The following ADGB variants were observed in gnomAD, a reference collection of about 807,000 sequenced individuals.
ADGB encodes calpain-7-like protein.
In ADGB, 172 loss-of-function variants were observed where a neutral mutation model predicts 210.5. The observed-to-expected ratio is 0.82, with a 90% confidence interval of 0.72 to 0.93. The LOEUF (loss-of-function observed/expected upper bound fraction) is 0.93. ADGB is among the 40% of genes least tolerant of loss of function. The pLI is 0.00. For synonymous variants in ADGB, 658 were observed against 662.7 expected (o/e 0.99, Z 0.11); for missense variants, 2,025 against 1,964.8 (o/e 1.03, Z -0.58).
intron 13 of ADGB, among the ~76,000 whole-genome samples, chr6:146,702,821 A>G (rs190497922): frequency 1.3e-5 from 2 of 152,038 alleles, no homozygotes; most frequent in African/African-American, 2.4e-5. Flanking sequence ...CTATGAATGA[A>G]TTTGTACATG....
In ADGB at chr6:146,687,401, C is replaced by G. The variant is rs144951722; in HGVS notation, c.1311+1573C>G. ...ACTGCTGAAGAATACCAGCAATGCC[C>G]CATCAATGATAGACTGAATAAAGAA... On this transcript the variant is annotated intron_variant, in intron 10 of 35. Transcript: ENST00000397944. 1.1e-3 allele frequency among the ~76,000 whole-genome samples: 168 copies of G among 152,060 alleles called. 1 individual carries two copies. The highest frequency in any genetic ancestry group is 4.0e-3 in the African/African-American group (164 of 41,498).
At chr6:146,642,583 A>G (rs1775534528) in intron 2 of ADGB, among the ~76,000 whole-genome samples, 2 of 152,074 alleles carry the variant, frequency 1.3e-5, no homozygotes, top group Admixed American at 1.3e-4. Context: ...GAAACCATAA[A>G]AAAGAACAAG....
chr6:146,658,739 G>T (rs1853319), intron 5 of ADGB, among the ~76,000 whole-genome samples: 69,453 of 151,986 alleles, frequency 0.46, 15,873 homozygotes, highest in East Asian at 0.55. Flanking sequence ...GTTTAAAAAT[G>T]TATTGAGCCC....
intron 16 of ADGB, among the ~76,000 whole-genome samples, chr6:146,719,658 G>A (rs973025338): frequency 1.3e-5 from 2 of 152,130 alleles, no homozygotes; most frequent in Non-Finnish European, 2.9e-5. Flanking sequence ...TTAGAGCAGG[G>A]TCATTTCAAT....
chr6:146,782,582 A>G (rs1199099541), intron 30 of ADGB, among the ~76,000 whole-genome samples: 1 of 152,094 alleles, frequency 6.6e-6, no homozygotes. Context: ...TCCAGGAGGA[A>G]CTGAGTTCTG....
intron 1 of ADGB, among the ~76,000 whole-genome samples, chr6:146,613,737 T>A (rs1261768804): frequency 6.6e-6 from 1 of 152,174 alleles, no homozygotes; most frequent in East Asian, 1.9e-4. Context: ...GATTTTTACC[T>A]CTTGTGCATT....
chr6:146,623,842 A>AT (rs1024024929), intron 1 of ADGB, among the ~76,000 whole-genome samples: 1 of 151,668 alleles, frequency 6.6e-6, no homozygotes, highest in South Asian at 2.1e-4. Flanking sequence ...GATGATCATA[A>AT]TTTTTTTTAG....
intron 23 of ADGB, among the ~76,000 whole-genome samples, chr6:146,738,436 A>ATT (rs1777110763): frequency 8.9e-6 from 1 of 111,976 alleles, no homozygotes; most frequent in Non-Finnish European, 1.8e-5. Flanking sequence ...ATCCCATTTC[A>ATT]TCTTTTTTTT....
At chr6:146,696,635 C>T (rs950844213) in intron 12 of ADGB, among the ~76,000 whole-genome samples, 3 of 152,090 alleles carry the variant, frequency 2.0e-5, no homozygotes, top group African/African-American at 7.2e-5. Context: ...AACAAAGATA[C>T]TATTGAAAAA....
At chr6:146,687,599 A>T (rs1776249796) in intron 10 of ADGB, among the ~76,000 whole-genome samples, 1 of 152,022 alleles carries the variant, frequency 6.6e-6, no homozygotes, top group Non-Finnish European at 1.5e-5. Context: ...AACACTGAGA[A>T]CACATGGACA....
chr6:146,766,316 A>AC (rs1777572509), intron 28 of ADGB, among the ~76,000 whole-genome samples: 1 of 152,100 alleles, frequency 6.6e-6, no homozygotes, highest in South Asian at 2.1e-4. Context: ...AATCCCAGCT[A>AC]CTTCAGAGGC....
Position 146,669,324 on chromosome 6 carries a change from C to A in ADGB, c.839+2422C>A, listed in dbSNP as rs565453361. On this transcript the variant is annotated intron_variant, in intron 7 of 35. Coordinates refer to ENST00000397944, the MANE Select transcript of ADGB (RefSeq NM_024694.4). ...GAAACCAATTATTATTTTCCAGTCACCAGTTCATTTCCCTTGTTTTCCTCA... is the reference window on the plus strand; with the variant it reads ...GAAACCAATTATTATTTTCCAGTCAACAGTTCATTTCCCTTGTTTTCCTCA... Among the ~76,000 whole-genome samples, 26 of 152,060 alleles carry A rather than the reference C, an allele frequency of 1.7e-4. No homozygotes were observed. In the South Asian group the frequency reaches 5.4e-3, roughly 32 times the overall value.
At chr6:146,718,667 A>G (rs1297465867) in intron 16 of ADGB, among the ~76,000 whole-genome samples, 2 of 152,252 alleles carry the variant, frequency 1.3e-5, no homozygotes, top group Non-Finnish European at 2.9e-5. Flanking sequence ...TTGTCCTGTC[A>G]TAGGACAAGG....
chr6:146,801,142 TA>T, intron 33 of ADGB, 40 bp from the exon 34 acceptor site: 1 of 1,175,044 alleles, frequency 8.5e-7, no homozygotes. Flanking sequence ...TATTATTTTT[TA>T]AAGCCTAGGT....
intron 3 of ADGB, among the ~76,000 whole-genome samples, chr6:146,649,469 CATTTTT>C (rs903190821): frequency 2.0e-5 from 3 of 150,884 alleles, no homozygotes; most frequent in African/African-American, 4.9e-5. Context: ...ATTCTGAAGA[CATTTTT>C]ATTTTTATTT....
In ADGB at chr6:146,685,752, C is replaced by CCT. The variant is rs2114916464; in HGVS notation, c.1239_1240dup (p.His414LeufsTer22). 6.5e-7 allele frequency: 1 copy of CCT among 1,532,926 alleles called. No individual in the cohort carries two copies. The highest frequency in any genetic ancestry group is 1.2e-5 in the South Asian group (1 of 81,142). The allele number at this position is 1,532,926 out of a possible 1,614,324, so 95.0% of individuals were successfully genotyped here. A position where few individuals can be genotyped will look rare whatever the true frequency, so the allele number is the denominator to read the frequency against. On this transcript the variant is annotated frameshift_variant, in exon 10 of 36. Coordinates refer to ENST00000397944, the MANE Select transcript of ADGB (RefSeq NM_024694.4). LOFTEE classifies it high-confidence loss of function. ...TTTACAGGTTCTTCTGCAATACAGA[C>CCT]CTCTCATATGGTCGTATATGCGACA... is the stretch of plus-strand genomic sequence containing the variant.
chr6:146,713,132 A>G (rs762927653), intron 13 of ADGB, among the ~76,000 whole-genome samples: 20 of 152,316 alleles, frequency 1.3e-4, no homozygotes, highest in East Asian at 1.2e-3. Flanking sequence ...TTGTATATGT[A>G]TGTCACATTC....
intron 7 of ADGB, among the ~76,000 whole-genome samples, chr6:146,671,366 T>A (rs951556253): frequency 1.3e-5 from 2 of 152,192 alleles, no homozygotes; most frequent in African/African-American, 4.8e-5. Context: ...GGGGATCCAC[T>A]GCACTGAGAA....
chr6:146,730,439 T>G (rs1776964747), intron 20 of ADGB, among the ~76,000 whole-genome samples: 1 of 152,156 alleles, frequency 6.6e-6, no homozygotes. Context: ...TATGTAGTCT[T>G]CAAGGAAAAG....
Sources: gnomAD v4.1 joint callset for allele counts (sites outside exome capture counted in the v4.1 genomes callset) on GRCh38, gnomAD v4.1.1 for gene constraint, MANE v1.5 for transcripts, NCBI Gene and HGNC (gene_info 2026-07-23, HGNC 2026-07-21) for gene names.